SYNE1: variants seen among roughly 807,000 people sequenced by gnomAD.
SYNE1 encodes the protein nesprin-1.
A neutral mutation model predicts 1,111.0 loss-of-function variants in SYNE1; 616 were observed. The observed-to-expected ratio is 0.55, with a 90% CI of 0.52 to 0.59. The LOEUF is 0.59. Among genes scored for constraint, SYNE1 ranks in the 20% least tolerant of loss-of-function variants. The probability of loss-of-function intolerance (pLI) is 0.00; values close to 1 mark genes in which losing one functional copy is unlikely to be tolerated. For missense variants in SYNE1, 10,006 were observed against 10,417.0 expected (o/e 0.96, Z 1.72); for synonymous variants, 3,855 against 3,825.8 (o/e 1.01, Z -0.28).
chr6:152,489,107 C>T (rs1036090324), intron 11 of SYNE1, among the ~76,000 whole-genome samples: 4 of 152,126 alleles, frequency 2.6e-5, no homozygotes, highest in Non-Finnish European at 4.4e-5. Flanking sequence ...CACCACTCAT[C>T]TCAAAAATGA....
chr6:152,605,234 C>T (rs1337321712), intron 3 of SYNE1, among the ~76,000 whole-genome samples: 1 of 152,062 alleles, frequency 6.6e-6, no homozygotes, highest in Non-Finnish European at 1.5e-5. Context: ...AGAAACCTTA[C>T]TAGTTTTCCA....
chr6:152,236,103 T>C lies in SYNE1; in HGVS notation c.20396+4A>G. 2 of 1,613,804 alleles carry C rather than the reference T, an allele frequency of 1.2e-6. No homozygotes were observed. The highest frequency in any genetic ancestry group is 1.7e-6 in the Non-Finnish European group (2 of 1,179,668). On this transcript the variant is annotated splice_donor_region_variant and intron_variant, in intron 110 of 145. Coordinates refer to ENST00000367255, the MANE Select transcript of SYNE1 (RefSeq NM_182961.4). ...AAAAATATACAAAACAGTCATTGTA[T>C]TACCTGGTCCAGTGTTTCAATATTG...
intron 95 of SYNE1, among the ~76,000 whole-genome samples, chr6:152,293,170 G>T (rs901432941): frequency 6.6e-6 from 1 of 152,130 alleles, no homozygotes; most frequent in Non-Finnish European, 1.5e-5. Context: ...GATAATGGAG[G>T]GGCACCCCCT....
chr6:152,581,235 T>A (rs2099518210), intron 3 of SYNE1, among the ~76,000 whole-genome samples: 1 of 152,198 alleles, frequency 6.6e-6, no homozygotes, highest in Non-Finnish European at 1.5e-5. Context: ...CTAGGACTTT[T>A]ATTTGCACAG....
chr6:152,451,515 C>T (rs905650019), intron 25 of SYNE1, among the ~76,000 whole-genome samples: 4 of 126,068 alleles, frequency 3.2e-5, no homozygotes, highest in African/African-American at 1.2e-4. Context: ...TGGAGTCTCG[C>T]TCTGTCGCCC....
chr6:152,274,716 C>T (rs1411224218), intron 98 of SYNE1, among the ~76,000 whole-genome samples: 2 of 152,128 alleles, frequency 1.3e-5, no homozygotes, highest in Non-Finnish European at 2.9e-5. Flanking sequence ...CCTGCCTCAG[C>T]CTCCTGAGTA....
chr6:152,291,334 C>G (rs1349234843), intron 95 of SYNE1, among the ~76,000 whole-genome samples: 4 of 150,748 alleles, frequency 2.7e-5, no homozygotes, highest in African/African-American at 9.7e-5. Flanking sequence ...GCCCCAATGA[C>G]TGGTAATCTT....
chr6:152,507,172 C>A (rs2099062308), intron 8 of SYNE1, among the ~76,000 whole-genome samples: 1 of 152,092 alleles, frequency 6.6e-6, no homozygotes. Context: ...CCAACTCTGA[C>A]TTCATTTTAT....
intron 86 of SYNE1, among the ~76,000 whole-genome samples, chr6:152,317,216 C>CTTTTTT (rs1332125363): frequency 4.7e-5 from 7 of 149,530 alleles, no homozygotes; most frequent in African/African-American, 1.7e-4. Context: ...TCCTCTTTTT[C>CTTTTTT]TTTCTTTTTT....
At chr6:152,634,667 G>A (rs1256504310) in intron 2 of SYNE1, among the ~76,000 whole-genome samples, 1 of 152,180 alleles carries the variant, frequency 6.6e-6, no homozygotes, top group Admixed American at 6.5e-5. Context: ...TTCCATAGAA[G>A]AACATGAACA....
At position 152,247,750 on chromosome 6, in the gene SYNE1, TACACAC is replaced by T. The variant is rs61420132; in HGVS notation, c.19572+1405_19572+1410del. On this transcript the variant is annotated intron_variant, in intron 105 of 145. Transcript: ENST00000367255. ...TATTATATATATATATATATATATA[TACACAC>T]ACACACACACACACACACACACACA... Among the ~76,000 whole-genome samples, 1,009 of 112,364 alleles carry T rather than the reference TACACAC, an allele frequency of 9.0e-3. 18 individuals carry two copies. Among genetic ancestry groups the T allele is most frequent in the African/African-American group, 0.032 (886 of 27,970 alleles). The allele number at this position is 112,364 out of a possible 152,430, so 73.7% of individuals were successfully genotyped here. A position where few individuals can be genotyped will look rare whatever the true frequency, so the allele number is the denominator to read the frequency against.
At chr6:152,578,800 A>G (rs2099509941) in intron 3 of SYNE1, among the ~76,000 whole-genome samples, 1 of 152,188 alleles carries the variant, frequency 6.6e-6, no homozygotes, top group South Asian at 2.1e-4. Context: ...AATTTATCTA[A>G]TAACATTTTA....
chr6:152,128,156 A>C (rs919958828), intron 145 of SYNE1: 1 of 152,236 alleles, frequency 6.6e-6, no homozygotes, highest in African/African-American at 2.4e-5. Context: ...AATGGCGATA[A>C]GGTTAGAAAA....
intron 40 of SYNE1, among the ~76,000 whole-genome samples, chr6:152,417,358 C>T (rs577664480): frequency 1.3e-5 from 2 of 152,208 alleles, no homozygotes; most frequent in African/African-American, 4.8e-5. Flanking sequence ...ATTATCCAGG[C>T]GTGGTGGTGG....
intron 61 of SYNE1, chr6:152,368,415 A>G (rs1391086197): frequency 6.5e-6 from 1 of 154,804 alleles, no homozygotes; most frequent in African/African-American, 2.4e-5. Flanking sequence ...TGTCTGAACC[A>G]TTGCCAATTT....
Position 152,331,630 on chromosome 6 carries a change from C to T in SYNE1, c.13055G>A (p.Arg4352Lys), listed in dbSNP as rs770225470. ...NLEELNVVQS[R>K]FQELMEWAEE... Reference sequence around the variant, plus strand: ...TGCCCACTCCATTAGCTCCTGAAATCTGGACTGCACCACATTTAACTCCTC... The same window carrying T: ...TGCCCACTCCATTAGCTCCTGAAATTTGGACTGCACCACATTTAACTCCTC... The change falls in exon 78 of 146, where the codon AGA (arginine) becomes AAA (lysine). Residue 4352 changes from arginine to lysine, a missense_variant. By Grantham distance (26) the Arg-to-Lys change is conservative (BLOSUM62 2). Coordinates refer to ENST00000367255, the MANE Select transcript of SYNE1 (RefSeq NM_182961.4). 4 of 1,614,182 alleles carry T rather than the reference C, an allele frequency of 2.5e-6. No individual in the cohort carries two copies. Among genetic ancestry groups the T allele is most frequent in the Non-Finnish European group, 3.4e-6 (4 of 1,180,032 alleles).
At chr6:152,532,717 CA>C (rs1481585344) in intron 4 of SYNE1, among the ~76,000 whole-genome samples, 3 of 152,098 alleles carry the variant, frequency 2.0e-5, no homozygotes, top group Non-Finnish European at 4.4e-5. Context: ...CAGAACGACC[CA>C]TAACTTGTAG....
intron 4 of SYNE1, among the ~76,000 whole-genome samples, chr6:152,537,524 CTA>C (rs1332593722): frequency 6.6e-5 from 10 of 151,954 alleles, no homozygotes; most frequent in Admixed American, 1.3e-4. Context: ...TATTTGCATA[CTA>C]TCTCTTCTTA....
intron 72 of SYNE1, among the ~76,000 whole-genome samples, chr6:152,349,870 T>C (rs1296913761): frequency 2.0e-5 from 3 of 152,164 alleles, no homozygotes; most frequent in Non-Finnish European, 2.9e-5. Flanking sequence ...CTCTCTTCTG[T>C]TGTCTGCTGC....
Sources: gnomAD v4.1 joint callset for allele counts (sites outside exome capture counted in the v4.1 genomes callset) on GRCh38, gnomAD v4.1.1 for gene constraint, MANE v1.5 for transcripts, NCBI Gene and HGNC (gene_info 2026-07-23, HGNC 2026-07-21) for gene names.